Variants in EXT2 observed in about 807,000 individuals in gnomAD.
EXT2 encodes the protein exostosin glycosyltransferase 2.
Under a neutral mutation model 81.6 loss-of-function variants are expected in EXT2, and 53 were observed. That is an observed-to-expected ratio of 0.65 (90% CI 0.52 to 0.82). The LOEUF is 0.82. EXT2 is among the 40% of genes least tolerant of loss of function. EXT2 has a pLI of 0.00. For missense variants in EXT2, 774 were observed against 910.2 expected, an observed-to-expected ratio of 0.85 and a Z score of 1.93; for synonymous variants, 320 against 340.0, an observed-to-expected ratio of 0.94 and a Z score of 0.65.
chr11:44,168,817 A>T (rs1049278851), intron 7 of EXT2, among the ~76,000 whole-genome samples: 1 of 152,252 alleles, frequency 6.6e-6, no homozygotes, highest in Non-Finnish European at 1.5e-5. Flanking sequence ...TTCTACAGTG[A>T]AATAAATAAC....
intron 7 of EXT2, among the ~76,000 whole-genome samples, chr11:44,155,740 A>G (rs1954847736): frequency 6.6e-6 from 1 of 152,182 alleles, no homozygotes. Context: ...TTCATCTTTT[A>G]ATCTTTCTAC....
At chr11:44,097,347 T>C (rs777250703) in intron 1 of EXT2, among the ~76,000 whole-genome samples, 19 of 152,240 alleles carry the variant, frequency 1.2e-4, no homozygotes, top group Non-Finnish European at 1.6e-4. Context: ...AACATAACTT[T>C]AATTATAAAG....
intron 7 of EXT2, 99 bp from the exon 8 acceptor site, chr11:44,171,512 T>G (rs570525411): frequency 1.9e-6 from 3 of 1,584,704 alleles, no homozygotes; most frequent in Non-Finnish European, 2.6e-6. Context: ...ACTTTGGGAA[T>G]AAAGGAATTA....
intron 8 of EXT2, among the ~76,000 whole-genome samples, chr11:44,193,962 G>C (rs1284196570): frequency 6.6e-6 from 1 of 152,206 alleles, no homozygotes; most frequent in Non-Finnish European, 1.5e-5. Context: ...TGGCATGTGG[G>C]ATGAGACCCG....
At chr11:44,131,939 T>C (rs908799848) in intron 7 of EXT2, among the ~76,000 whole-genome samples, 8 of 152,182 alleles carry the variant, frequency 5.3e-5, no homozygotes, top group African/African-American at 1.9e-4. Context: ...GATTTCACCA[T>C]GTTGGCCAGG....
intron 7 of EXT2, among the ~76,000 whole-genome samples, chr11:44,144,069 T>C (rs948462851): frequency 6.6e-6 from 1 of 152,252 alleles, no homozygotes; most frequent in African/African-American, 2.4e-5. Flanking sequence ...AGGCTTGTTT[T>C]AGATTTGCTT....
intron 13 of EXT2, among the ~76,000 whole-genome samples, chr11:44,241,048 T>A (rs150057768): frequency 6.6e-6 from 1 of 152,342 alleles, no homozygotes; most frequent in East Asian, 1.9e-4. Context: ...TTTACAAGTG[T>A]GTGTGACCTT....
At chr11:44,215,624 T>C (rs181108662) in intron 10 of EXT2, among the ~76,000 whole-genome samples, 104 of 152,330 alleles carry the variant, frequency 6.8e-4, no homozygotes, top group Non-Finnish European at 1.2e-3. Flanking sequence ...TCAGCACCTT[T>C]AGCATAATCA....
chr11:44,198,956 CT>C (rs1447459111), intron 9 of EXT2, among the ~76,000 whole-genome samples: 6 of 152,134 alleles, frequency 3.9e-5, no homozygotes, highest in African/African-American at 9.7e-5. Context: ...CAGAATTTGC[CT>C]TGAGAAAATT....
Position 44,245,174 on chromosome 11 carries a change from T to A in EXT2, c.*887T>A. On this transcript the variant is annotated 3_prime_UTR_variant, in exon 14 of 14. Coordinates refer to ENST00000533608, the MANE Select transcript of EXT2 (RefSeq NM_207122.2). ...TTGCTTCCTGATTAGATCCAGTCAA[T>A]GTTTTAAAGGTATTGTCAGAGAAAA... 4.4e-6 allele frequency: 1 copy of A among 229,334 alleles called. No homozygotes were observed. Among genetic ancestry groups the A allele is most frequent in the Non-Finnish European group, 8.7e-6 (1 of 115,306 alleles). 14.2% of individuals were successfully genotyped at this position (229,334 alleles called of 1,614,324 possible). A position where few individuals can be genotyped will look rare whatever the true frequency, so the allele number is the denominator to read the frequency against.
In EXT2 at chr11:44,220,231, T is replaced by G. The variant is rs1955767257; in HGVS notation, c.1663-12122T>G. ...AGCTTTACAGTGTAACTAGGACCAG[T>G]TTGCCAAAGTTGAGCTTTTAGAAAA... On this transcript the variant is annotated intron_variant, in intron 10 of 13. Transcript: ENST00000533608. This position sits in a 1 kb window ranked among gnomAD's most constrained non-coding sequence, Gnocchi z 4.4. Among the ~76,000 whole-genome samples, 1 of 152,208 alleles carries G rather than the reference T, an allele frequency of 6.6e-6. No individual in the cohort carries two copies.
intron 8 of EXT2, among the ~76,000 whole-genome samples, chr11:44,188,110 A>G (rs1432335982): frequency 6.6e-6 from 1 of 152,234 alleles, no homozygotes; most frequent in East Asian, 1.9e-4. Flanking sequence ...ATGAAGTATT[A>G]TAAAGCAATT....
intron 7 of EXT2, among the ~76,000 whole-genome samples, chr11:44,168,885 T>TAAG (rs1955031561): frequency 6.6e-6 from 1 of 152,082 alleles, no homozygotes; most frequent in Non-Finnish European, 1.5e-5. Context: ...AGATATGCAT[T>TAAG]AAGAAAAGAA....
chr11:44,191,429 G>A (rs368341391), intron 8 of EXT2, among the ~76,000 whole-genome samples: 69 of 152,364 alleles, frequency 4.5e-4, no homozygotes, highest in Non-Finnish European at 4.3e-4. Context: ...GCATAGCTGC[G>A]ATAGATGAGC....
chr11:44,129,544 C>G (rs1210060416), intron 6 of EXT2, among the ~76,000 whole-genome samples: 1 of 152,264 alleles, frequency 6.6e-6, no homozygotes, highest in Non-Finnish European at 1.5e-5. Context: ...CCTGCTTACT[C>G]TCTTGCCTTC....
At chr11:44,168,738 C>A (rs1229267071) in intron 7 of EXT2, among the ~76,000 whole-genome samples, 3 of 152,152 alleles carry the variant, frequency 2.0e-5, no homozygotes, top group Non-Finnish European at 4.4e-5. Flanking sequence ...CTCTACCTAT[C>A]AAAAGTATCC....
chr11:44,243,543 T>C (rs1021370666), intron 13 of EXT2, among the ~76,000 whole-genome samples: 1 of 151,886 alleles, frequency 6.6e-6, no homozygotes. Context: ...TTCCCAGAAA[T>C]TGCCACTTAC....
At chr11:44,183,798 G>T (rs1178742726) in intron 8 of EXT2, among the ~76,000 whole-genome samples, 1 of 152,068 alleles carries the variant, frequency 6.6e-6, no homozygotes, top group East Asian at 1.9e-4. Flanking sequence ...AAATCTGTCT[G>T]CCTGGCCTTC....
Position 44,244,200 on chromosome 11 carries a change from G to A in EXT2, c.2070G>A (p.Lys690=). The part of the protein sequence containing the change: ...FASVFGTMPL[K]VVEHRADPVL... ...CAGTCTTCGGGACCATGCCTCTCAA[G>A]GTGGTGGAACACCGAGCTGACCCTG... Residue 690 remains lysine (K), a synonymous_variant, in exon 14 of 14, where the codon AAG becomes AAA. Coordinates refer to ENST00000533608, the MANE Select transcript of EXT2 (RefSeq NM_207122.2). The A allele has an allele frequency of 6.2e-7, 1 of 1,614,004 alleles. No individual in the cohort carries two copies. The highest frequency in any genetic ancestry group is 8.5e-7 in the Non-Finnish European group (1 of 1,179,900).
Sources: gnomAD v4.1 joint callset for allele counts (sites outside exome capture counted in the v4.1 genomes callset) on GRCh38, gnomAD v4.1.1 for gene constraint, Gnocchi (gnomAD v3.1) non-coding constraint, MANE v1.5 for transcripts, NCBI Gene and HGNC (gene_info 2026-07-23, HGNC 2026-07-21) for gene names.